The following TSNARE1 variants were observed in gnomAD, a reference collection of about 807,000 sequenced individuals.
TSNARE1 encodes the protein t-SNARE domain containing 1.
TSNARE1 carries 49 observed loss-of-function variants against 62.0 expected under a neutral mutation model. That is an observed-to-expected ratio of 0.79 (90% CI 0.63 to 1.00). The LOEUF is 1.00. TSNARE1 is among the 50% of genes least tolerant of loss of function. The pLI is 0.00. For missense variants in TSNARE1, 755 were observed against 700.1 expected (o/e 1.08, Z -0.88); for synonymous variants, 328 against 294.4 (o/e 1.11, Z -1.17).
chr8:142,351,334 C>T (rs182058774), intron 2 of TSNARE1, among the ~76,000 whole-genome samples: 9 of 152,206 alleles, frequency 5.9e-5, no homozygotes, highest in Admixed American at 1.3e-4. Context: ...ACCAGCAAGA[C>T]GCATTTGGAA....
At chr8:142,260,303 G>A (rs1818793266) in intron 12 of TSNARE1, among the ~76,000 whole-genome samples, 1 of 152,142 alleles carries the variant, frequency 6.6e-6, no homozygotes, top group Admixed American at 6.5e-5. Flanking sequence ...AAGCACAACT[G>A]TTTAGAGATG....
chr8:142,374,679 CAA>C (rs1219756682), intron 1 of TSNARE1, among the ~76,000 whole-genome samples: 37 of 59,336 alleles, frequency 6.2e-4, no homozygotes, highest in Admixed American at 8.0e-4. Flanking sequence ...GACGCTGTCT[CAA>C]AAAAAAAAAA....
intron 12 of TSNARE1, among the ~76,000 whole-genome samples, chr8:142,245,247 T>C (rs1259029615): frequency 6.6e-6 from 1 of 152,192 alleles, no homozygotes; most frequent in African/African-American, 2.4e-5. Flanking sequence ...AATAACCACA[T>C]GGCTGGAAAG....
chr8:142,379,320 C>T (rs1836564298), intron 1 of TSNARE1, among the ~76,000 whole-genome samples: 1 of 152,202 alleles, frequency 6.6e-6, no homozygotes, highest in African/African-American at 2.4e-5. Flanking sequence ...GACTCAAATG[C>T]CCCCAACCTC....
At chr8:142,274,548 G>T (rs1244580890) in intron 12 of TSNARE1, 4 of 985,318 alleles carry the variant, frequency 4.1e-6, no homozygotes, top group Non-Finnish European at 4.8e-6. Flanking sequence ...GTGCATACAA[G>T]AGAGGAGACG....
In TSNARE1 at chr8:142,279,297, G is replaced by A. The variant is rs551980512; in HGVS notation, c.1364-4434C>T. On this transcript the variant is annotated intron_variant, in intron 11 of 13. Transcript: ENST00000524325. ...GGAGAGGAAGGCCAGGCCGGGACCC[G>A]GGGCCAAACAGGCCTCCGGCCACAC... 6.6e-5 allele frequency among the ~76,000 whole-genome samples: 10 copies of A among 152,368 alleles called. No individual in the cohort carries two copies. The South Asian group carries it at 1.2e-3, about 19-fold the overall frequency.
chr8:142,216,333 C>T (rs1010358947), intron 13 of TSNARE1, among the ~76,000 whole-genome samples: 1 of 152,046 alleles, frequency 6.6e-6, no homozygotes, highest in Non-Finnish European at 1.5e-5. Flanking sequence ...GAGGCAGGGG[C>T]TGGGGGTGTG....
chr8:142,272,071 G>A (rs1345729980), intron 12 of TSNARE1, among the ~76,000 whole-genome samples: 1 of 151,724 alleles, frequency 6.6e-6, no homozygotes, highest in Non-Finnish European at 1.5e-5. Flanking sequence ...ACATAGACAC[G>A]CCCACCACAT....
At chr8:142,386,351 A>G (rs1262595116) in intron 1 of TSNARE1, among the ~76,000 whole-genome samples, 1 of 152,206 alleles carries the variant, frequency 6.6e-6, no homozygotes, top group Admixed American at 6.5e-5. Flanking sequence ...TACATAAGAT[A>G]CTATAATATC....
intron 4 of TSNARE1, among the ~76,000 whole-genome samples, chr8:142,332,634 A>G (rs1377847526): frequency 6.6e-6 from 1 of 152,188 alleles, no homozygotes; most frequent in African/African-American, 2.4e-5. Flanking sequence ...TGGTGGATGG[A>G]ACGCTCGCCC....
At chr8:142,281,187 G>C (rs1313503180) in intron 11 of TSNARE1, among the ~76,000 whole-genome samples, 2 of 151,826 alleles carry the variant, frequency 1.3e-5, no homozygotes, top group Non-Finnish European at 1.5e-5. Flanking sequence ...GAGCCTGAGA[G>C]TGCTGGTGGG....
intron 1 of TSNARE1, among the ~76,000 whole-genome samples, chr8:142,378,809 G>C (rs146703745): frequency 1.8e-4 from 28 of 152,326 alleles, no homozygotes; most frequent in Admixed American, 7.2e-4. Flanking sequence ...GGGCGTGTTA[G>C]GTGCTCCAAC....
intron 1 of TSNARE1, among the ~76,000 whole-genome samples, chr8:142,384,989 C>CA (rs1014551964): frequency 8.0e-5 from 12 of 150,722 alleles, no homozygotes; most frequent in African/African-American, 1.2e-4. Context: ...TCAACAACAA[C>CA]AAAAAATCTG....
chr8:142,295,620 G>A (rs894389353), intron 10 of TSNARE1, among the ~76,000 whole-genome samples: 2 of 152,232 alleles, frequency 1.3e-5, no homozygotes, highest in African/African-American at 2.4e-5. Flanking sequence ...TCCACTGGCC[G>A]CTGGGTGGCT....
At chr8:142,316,763 T>G (rs1196762510) in intron 7 of TSNARE1, among the ~76,000 whole-genome samples, 1 of 151,838 alleles carries the variant, frequency 6.6e-6, no homozygotes. Flanking sequence ...TGCGTTTTCT[T>G]GCGTGGGGGC....
chr8:142,402,588 T>TA (rs1207860470), intron 1 of TSNARE1, among the ~76,000 whole-genome samples: 1 of 152,186 alleles, frequency 6.6e-6, no homozygotes, highest in Non-Finnish European at 1.5e-5. Flanking sequence ...AGCACCTTCT[T>TA]ACAACTTGGA....
rs1829076773 is a variant in TSNARE1 at position 142,319,110 on chromosome 8, G to T, written c.894-476C>A. Among the ~76,000 whole-genome samples the T allele has an allele frequency of 6.6e-6, 1 of 151,984 alleles. No individual in the cohort carries two copies. Among genetic ancestry groups the T allele is most frequent in the African/African-American group, 2.4e-5 (1 of 41,370 alleles). On this transcript the variant is annotated intron_variant, in intron 6 of 13. Coordinates refer to ENST00000524325, the MANE Select transcript of TSNARE1 (RefSeq NM_145003.5). This position sits in a 1 kb window ranked among gnomAD's most constrained non-coding sequence, Gnocchi z 4.9. ...GGGTGGGTGGCCCAGCCAGAACAGT[G>T]GCAGCCGGGCCCCACCAATCGGCCA...
At chr8:142,314,126 GGA>G (rs1390768865) in intron 9 of TSNARE1, among the ~76,000 whole-genome samples, 2 of 152,222 alleles carry the variant, frequency 1.3e-5, no homozygotes, top group East Asian at 3.8e-4. Context: ...GCTCTCAGCA[GGA>G]GAGCTGGTCT....
chr8:142,256,322 T>C (rs1411399395), intron 12 of TSNARE1, among the ~76,000 whole-genome samples: 2 of 115,680 alleles, frequency 1.7e-5, no homozygotes, highest in Admixed American at 8.5e-5. Flanking sequence ...ATCACCACCA[T>C]CACCATCTTT....
Sources: gnomAD v4.1 joint callset for allele counts (sites outside exome capture counted in the v4.1 genomes callset) on GRCh38, gnomAD v4.1.1 for gene constraint, Gnocchi (gnomAD v3.1) non-coding constraint, MANE v1.5 for transcripts, NCBI Gene and HGNC (gene_info 2026-07-23, HGNC 2026-07-21) for gene names.